Variants in TMEM268 observed in about 807,000 individuals in gnomAD.
The protein encoded by TMEM268 is transmembrane protein 268.
TMEM268 carries 24 observed loss-of-function variants against 39.1 expected under a neutral mutation model. That is an observed-to-expected ratio of 0.61 (90% CI 0.44 to 0.86). The LOEUF (loss-of-function observed/expected upper bound fraction) is 0.86. TMEM268 is among the 40% of genes least tolerant of loss of function. The pLI is 0.00. For missense variants in TMEM268, 409 were observed against 428.6 expected (o/e 0.95, Z 0.40); for synonymous variants, 176 against 173.5 (o/e 1.01, Z -0.12).
chr9:114,633,350 A>AG (rs1379992487), intron 5 of TMEM268, among the ~76,000 whole-genome samples: 4 of 151,962 alleles, frequency 2.6e-5, no homozygotes, highest in African/African-American at 9.7e-5. Flanking sequence ...TTAGTAGAGA[A>AG]GGGGTTTCAC....
intron 5 of TMEM268, among the ~76,000 whole-genome samples, chr9:114,632,053 G>A (rs1033565887): frequency 1.4e-5 from 2 of 145,972 alleles, no homozygotes; most frequent in African/African-American, 2.6e-5. Context: ...AGCTGTGATC[G>A]TACCACTGCA....
At chr9:114,609,541 C>T (rs146566759), upstream of TMEM268, among the ~76,000 whole-genome samples, 246 of 151,250 alleles carry the variant, frequency 1.6e-3, no homozygotes, top group African/African-American at 5.8e-3. Context: ...AAACATTAGC[C>T]GGGAGTGGTG....
intron 8 of TMEM268, among the ~76,000 whole-genome samples, chr9:114,641,156 G>T (rs1377142042): frequency 6.6e-6 from 1 of 152,120 alleles, no homozygotes; most frequent in Admixed American, 6.5e-5. Flanking sequence ...GATTACAGGT[G>T]TGAGCCACCG....
intron 5 of TMEM268, among the ~76,000 whole-genome samples, chr9:114,632,177 AT>A (rs59541376): frequency 0.27 from 41,272 of 150,840 alleles, 5,989 homozygotes; most frequent in South Asian, 0.4. Context: ...TTCTAAGTAG[AT>A]TTTTTTTTAT....
intron 1 of TMEM268, among the ~76,000 whole-genome samples, chr9:114,611,883 A>G (rs1845512397): frequency 6.6e-6 from 1 of 152,196 alleles, no homozygotes. Flanking sequence ...GGAGACTGAG[A>G]CTGGGACGAG....
chr9:114,617,253 C>T lies in TMEM268; in HGVS notation c.58C>T (p.Pro20Ser). 1.2e-6 allele frequency: 2 copies of T among 1,613,424 alleles called. No homozygotes were observed. The highest frequency in any genetic ancestry group is 1.1e-5 in the South Asian group (1 of 91,028). ...GATGPLPPSS[P>S]GWSALPGGSP... is the part of the protein sequence containing the mutation. The stretch of plus-strand genomic sequence containing the variant: ...CACTGGCCCATTGCCCCCCTCCTCC[C>T]CTGGCTGGAGTGCCCTGCCTGGAGG... The change falls in exon 2 of 9, where the codon CCT becomes TCT. Residue 20 changes from proline (P) to serine (S), a missense_variant. Physicochemically the swap from Pro to Ser is moderately conservative, Grantham distance 74. Coordinates refer to ENST00000288502, the MANE Select transcript of TMEM268 (RefSeq NM_153045.4).
intron 1 of TMEM268, among the ~76,000 whole-genome samples, chr9:114,616,424 G>A (rs1564284487): frequency 6.6e-6 from 1 of 152,110 alleles, no homozygotes; most frequent in Non-Finnish European, 1.5e-5. Context: ...GGAGTGCAGT[G>A]GTGCAATCTC....
At chr9:114,630,253 A>T (rs1257442881) in intron 5 of TMEM268, among the ~76,000 whole-genome samples, 1 of 149,628 alleles carries the variant, frequency 6.7e-6, no homozygotes, top group Non-Finnish European at 1.5e-5. Flanking sequence ...GACACTATTG[A>T]ATTTACTGTT....
intron 2 of TMEM268, among the ~76,000 whole-genome samples, chr9:114,617,654 T>G (rs1845784693): frequency 1.3e-5 from 2 of 152,218 alleles, no homozygotes; most frequent in African/African-American, 4.8e-5. Flanking sequence ...CACTGGAGCC[T>G]GGAACTCCTG....
upstream of TMEM268, among the ~76,000 whole-genome samples, chr9:114,610,634 T>A (rs1845455028): frequency 6.6e-6 from 1 of 152,196 alleles, no homozygotes; most frequent in Admixed American, 6.5e-5. Context: ...CCGTAGACCC[T>A]TTGAAATTAC....
rs533775122 is a variant in TMEM268 at position 114,619,277 on chromosome 9, G to A, written c.106+1976G>A. Among the ~76,000 whole-genome samples the A allele has an allele frequency of 1.7e-4, 23 of 138,430 alleles. 1 individual carries two copies. Among genetic ancestry groups the A allele is most frequent in the South Asian group, 1.3e-3 (6 of 4,552 alleles). The allele number at this position is 138,430 out of a possible 152,430, so 90.8% of individuals were successfully genotyped here. The stretch of plus-strand genomic sequence containing the variant: ...TGTAGGAAACTGCTTCCCCCTCTGC[G>A]CGTGCGTGCACGCGTGCACACACAC... On this transcript the variant is annotated intron_variant, in intron 2 of 8. Coordinates refer to ENST00000288502, the MANE Select transcript of TMEM268 (RefSeq NM_153045.4).
upstream of TMEM268, among the ~76,000 whole-genome samples, chr9:114,608,627 C>T (rs74643860): frequency 6.3e-3 from 965 of 152,220 alleles, 5 homozygotes; most frequent in African/African-American, 0.022. Context: ...CTTTTAATAT[C>T]CTATCATCAG....
intron 2 of TMEM268, among the ~76,000 whole-genome samples, chr9:114,617,575 T>C (rs1303956628): frequency 5.3e-5 from 8 of 152,104 alleles, no homozygotes. Context: ...TTCTGATTTA[T>C]TTTTACTTAT....
Position 114,618,673 on chromosome 9 carries a change from A to G in TMEM268, c.106+1372A>G, listed in dbSNP as rs75682941. 1.1e-4 allele frequency among the ~76,000 whole-genome samples: 17 copies of G among 152,100 alleles called. No individual in the cohort carries two copies. The East Asian group carries it at 3.3e-3, about 29-fold the overall frequency. On this transcript the variant is annotated intron_variant, in intron 2 of 8. Coordinates refer to ENST00000288502, the MANE Select transcript of TMEM268 (RefSeq NM_153045.4). ...GTGAGACTCCATCTCAAAAAAAAAA[A>G]GAAAGAAAAAGAATTTCCATTCATT...
At chr9:114,635,643 C>T (rs747640758) in intron 6 of TMEM268, among the ~76,000 whole-genome samples, 1 of 152,148 alleles carries the variant, frequency 6.6e-6, no homozygotes, top group Non-Finnish European at 1.5e-5. Flanking sequence ...CGCGCCACTG[C>T]GCTCCAGCCT....
intron 3 of TMEM268, among the ~76,000 whole-genome samples, chr9:114,626,487 A>G (rs1399811727): frequency 1.3e-5 from 2 of 152,224 alleles, no homozygotes; most frequent in Non-Finnish European, 1.5e-5. Context: ...TTTAATATGT[A>G]CCTTAGTTCT....
rs1174434994 is a variant in TMEM268, at chr9:114,645,553, A to G, written c.*2240A>G. 7 of 152,414 alleles carry G rather than the reference A, an allele frequency of 4.6e-5. No individual in the cohort carries two copies. Among genetic ancestry groups the G allele is most frequent in the African/African-American group, 1.7e-4 (7 of 41,474 alleles). The allele number at this position is 152,414 out of a possible 1,614,324, so 9.4% of individuals were successfully genotyped here. A position where few individuals can be genotyped will look rare whatever the true frequency, so the allele number is the denominator to read the frequency against. ...AAGGAAATTATTCACGAAGGTGACCACTGTCTTTCTGACCTGGCACAGAGG... is the reference window on the plus strand; with the variant it reads ...AAGGAAATTATTCACGAAGGTGACCGCTGTCTTTCTGACCTGGCACAGAGG... On this transcript the variant is annotated 3_prime_UTR_variant, in exon 9 of 9. Coordinates refer to ENST00000288502, the MANE Select transcript of TMEM268 (RefSeq NM_153045.4).
Position 114,645,573 on chromosome 9 carries a change from C to G in TMEM268, c.*2260C>G, listed in dbSNP as rs1400239088. On this transcript the variant is annotated 3_prime_UTR_variant, in exon 9 of 9. Coordinates refer to ENST00000288502, the MANE Select transcript of TMEM268 (RefSeq NM_153045.4). Reference sequence around the variant, plus strand: ...TGACCACTGTCTTTCTGACCTGGCACAGAGGAAATGTTGGCTGTGAATGTG... The same window carrying G: ...TGACCACTGTCTTTCTGACCTGGCAGAGAGGAAATGTTGGCTGTGAATGTG... 2 of 152,354 alleles carry G rather than the reference C, an allele frequency of 1.3e-5. No homozygotes were observed. Among genetic ancestry groups the G allele is most frequent in the African/African-American group, 2.4e-5 (1 of 41,450 alleles). The allele number at this position is 152,354 out of a possible 1,614,324, so 9.4% of individuals were successfully genotyped here. A position where few individuals can be genotyped will look rare whatever the true frequency, so the allele number is the denominator to read the frequency against.
intron 2 of TMEM268, among the ~76,000 whole-genome samples, chr9:114,618,156 C>T (rs1845809400): frequency 6.6e-6 from 1 of 151,334 alleles, no homozygotes; most frequent in African/African-American, 2.4e-5. Flanking sequence ...GGATTACAGG[C>T]GTGAGCCACC....
Sources: allele counts gnomAD v4.1 joint callset (sites outside exome capture counted in the v4.1 genomes callset), GRCh38; gene constraint gnomAD v4.1.1; transcripts MANE v1.5; gene names NCBI Gene and HGNC (gene_info 2026-07-23, HGNC 2026-07-21).